CHRNA7: variants seen among roughly 807,000 people sequenced by gnomAD.
CHRNA7 encodes the protein cholinergic receptor nicotinic alpha 7 subunit, also known as neuronal acetylcholine receptor subunit alpha-7.
CHRNA7 carries 17 observed loss-of-function variants against 48.0 expected under a neutral mutation model. That is an observed-to-expected ratio of 0.35 (90% CI 0.24 to 0.53). The LOEUF (loss-of-function observed/expected upper bound fraction) is 0.53, where lower values mean the gene tolerates loss of function less well. Ranked by LOEUF, CHRNA7 falls within the 20% of genes least tolerant of loss-of-function variation. The pLI, the probability that CHRNA7 is intolerant of heterozygous loss-of-function variation, is 0.92. For missense variants in CHRNA7, 155 were observed against 577.7 expected, an observed-to-expected ratio of 0.27 and a Z score of 7.50; for synonymous variants, 75 against 242.3, an observed-to-expected ratio of 0.31 and a Z score of 6.41.
chr15:32,105,277 C>CT (rs1454343476), intron 3 of CHRNA7, among the ~76,000 whole-genome samples: 2 of 152,176 alleles, frequency 1.3e-5, no homozygotes, highest in Non-Finnish European at 2.9e-5. Context: ...AACCCAGTTT[C>CT]TACCTTTAAG....
intron 4 of CHRNA7, among the ~76,000 whole-genome samples, chr15:32,137,058 G>T (rs200476956): frequency 3.9e-4 from 47 of 120,484 alleles, no homozygotes; most frequent in African/African-American, 1.4e-3. Flanking sequence ...AAAAAAAAAA[G>T]AAAACAGGAG....
intron 4 of CHRNA7, among the ~76,000 whole-genome samples, chr15:32,142,815 C>G (rs1291829457): frequency 1.3e-5 from 2 of 151,954 alleles, no homozygotes; most frequent in Non-Finnish European, 2.9e-5. Flanking sequence ...CTGTTTTCTT[C>G]TTTATTAGTC....
At chr15:32,067,218 C>T (rs537405098) in intron 2 of CHRNA7, among the ~76,000 whole-genome samples, 10 of 152,264 alleles carry the variant, frequency 6.6e-5, no homozygotes, top group African/African-American at 2.4e-4. Context: ...AGATCCACAC[C>T]TAGATACATC....
At chr15:32,144,674 AAC>A (rs2051450088) in intron 4 of CHRNA7, among the ~76,000 whole-genome samples, 1 of 152,146 alleles carries the variant, frequency 6.6e-6, no homozygotes, top group Non-Finnish European at 1.5e-5. Context: ...TTGATCTTCA[AAC>A]ACTGATATCC....
chr15:32,148,205 A>C (rs933924201), intron 4 of CHRNA7, among the ~76,000 whole-genome samples: 17 of 152,098 alleles, frequency 1.1e-4, no homozygotes, highest in South Asian at 2.1e-4. Flanking sequence ...TCTTCTTCTT[A>C]TTGTTATTTT....
At chr15:32,058,422 C>T (rs1333629382) in intron 2 of CHRNA7, among the ~76,000 whole-genome samples, 1 of 152,158 alleles carries the variant, frequency 6.6e-6, no homozygotes, top group Non-Finnish European at 1.5e-5. Flanking sequence ...TTTTCCCTTT[C>T]CGGGGGTGTT....
intron 4 of CHRNA7, among the ~76,000 whole-genome samples, chr15:32,117,545 A>G (rs1477013063): frequency 6.6e-6 from 1 of 152,198 alleles, no homozygotes; most frequent in African/African-American, 2.4e-5. Context: ...GAGCATAGCA[A>G]CAATATGGGT....
At chr15:32,084,935 TA>T (rs1173441661) in intron 2 of CHRNA7, among the ~76,000 whole-genome samples, 1 of 151,672 alleles carries the variant, frequency 6.6e-6, no homozygotes, top group Non-Finnish European at 1.5e-5. Context: ...TGGGTTCAAG[TA>T]ATTCTCCTGC....
chr15:32,152,186 G>A (rs1429414956), intron 4 of CHRNA7, among the ~76,000 whole-genome samples: 1 of 150,374 alleles, frequency 6.7e-6, no homozygotes, highest in Non-Finnish European at 1.5e-5. Context: ...GGCTCAGCCT[G>A]TAATCCTAGC....
At chr15:32,129,190 T>A (rs1320469195) in intron 4 of CHRNA7, among the ~76,000 whole-genome samples, 4 of 151,924 alleles carry the variant, frequency 2.6e-5, no homozygotes, top group Non-Finnish European at 5.9e-5. Flanking sequence ...TGTATATTTA[T>A]GAGAGAATGT....
intron 2 of CHRNA7, among the ~76,000 whole-genome samples, chr15:32,058,234 T>C (rs2049819417): frequency 6.6e-6 from 1 of 152,200 alleles, no homozygotes; most frequent in Non-Finnish European, 1.5e-5. Flanking sequence ...CCCTCCATCC[T>C]CTTCCATGCA....
At chr15:32,114,768 A>G (rs542869435) in intron 4 of CHRNA7, among the ~76,000 whole-genome samples, 11 of 152,178 alleles carry the variant, frequency 7.2e-5, no homozygotes, top group Non-Finnish European at 1.5e-4. Context: ...AAAGCAAACA[A>G]CTCAGATTAT....
At chr15:32,077,843 G>A (rs1281651874) in intron 2 of CHRNA7, among the ~76,000 whole-genome samples, 1 of 152,104 alleles carries the variant, frequency 6.6e-6, no homozygotes, top group Non-Finnish European at 1.5e-5. Flanking sequence ...AGAAAGAGGT[G>A]ACAGGCTCTT....
intron 2 of CHRNA7, among the ~76,000 whole-genome samples, chr15:32,053,158 A>G (rs898438005): frequency 6.6e-6 from 1 of 152,176 alleles, no homozygotes; most frequent in Non-Finnish European, 1.5e-5. Context: ...TTTAATCTGT[A>G]TAGACTGAGA....
intron 3 of CHRNA7, among the ~76,000 whole-genome samples, chr15:32,105,787 A>C (rs996599023): frequency 1.3e-5 from 2 of 152,186 alleles, no homozygotes; most frequent in South Asian, 4.1e-4. Context: ...GTGCCCTCAT[A>C]AAGCTGGGTG....
At chr15:32,042,453 TG>T (rs2049465961) in intron 2 of CHRNA7, among the ~76,000 whole-genome samples, 1 of 152,196 alleles carries the variant, frequency 6.6e-6, no homozygotes, top group Admixed American at 6.5e-5. Context: ...GGTGGAAGGA[TG>T]AGGGAACATT....
Position 32,070,669 on chromosome 15 carries a change from CTTTTTTTTTTTTTTTTTT to C in CHRNA7, c.196-30616_196-30599del, listed in dbSNP as rs71113441. Among the ~76,000 whole-genome samples the C allele has an allele frequency of 2.6e-3, 106 of 40,892 alleles. 2 individuals carry two copies. Among genetic ancestry groups the C allele is most frequent in the East Asian group, 0.019 (30 of 1,608 alleles). 26.8% of individuals were successfully genotyped at this position (40,892 alleles called of 152,430 possible). A position where few individuals can be genotyped will look rare whatever the true frequency, so the allele number is the denominator to read the frequency against. On this transcript the variant is annotated intron_variant, in intron 2 of 9. Coordinates refer to ENST00000306901, the MANE Select transcript of CHRNA7 (RefSeq NM_000746.6). Reference sequence around the variant, plus strand: ...TGTGTGAACATGTGAGGTTTAGTTCCTTTTTTTTTTTTTTTTTTTTTTTTTTTTTTTTTTTGAGACGGA... The same window carrying C: ...TGTGTGAACATGTGAGGTTTAGTTCCTTTTTTTTTTTTTTTTTGAGACGGA...
rs550444188 is a variant in CHRNA7 at position 32,113,304 on chromosome 15, A to T, written c.350+1405A>T. 4.3e-4 allele frequency among the ~76,000 whole-genome samples: 66 copies of T among 152,186 alleles called. No homozygotes were observed. In the South Asian group the frequency reaches 7.1e-3, roughly 16 times the overall value. On this transcript the variant is annotated intron_variant, in intron 4 of 9. Transcript: ENST00000306901. ...CCTCTTCCTGTAAGCACTGCAGTCAAATTAGAGTAGGGCCCCATGCTCATG... is the reference window on the plus strand; with the variant it reads ...CCTCTTCCTGTAAGCACTGCAGTCATATTAGAGTAGGGCCCCATGCTCATG...
chr15:32,126,008 A>C (rs958146991), intron 4 of CHRNA7, among the ~76,000 whole-genome samples: 3 of 119,336 alleles, frequency 2.5e-5, no homozygotes, highest in Non-Finnish European at 5.1e-5. Flanking sequence ...GGTAGCTGAT[A>C]GCAAAAAAAA....
Sources: gnomAD v4.1 joint callset for allele counts (sites outside exome capture counted in the v4.1 genomes callset) on GRCh38, gnomAD v4.1.1 for gene constraint, MANE v1.5 for transcripts, NCBI Gene and HGNC (gene_info 2026-07-23, HGNC 2026-07-21) for gene names.